BRCA1: variants seen among roughly 807,000 people sequenced by gnomAD.
BRCA1 encodes the protein BRCA1 DNA repair associated.
A neutral mutation model predicts 173.7 loss-of-function variants in BRCA1; 140 were observed. The ratio of observed to expected loss-of-function variants is 0.81; its 90% CI spans 0.70 to 0.93. The LOEUF is 0.93. Ranked by LOEUF, BRCA1 falls within the 40% of genes least tolerant of loss-of-function variation. BRCA1 has a pLI of 0.00. For missense variants in BRCA1, 1,983 were observed against 2,172.5 expected (o/e 0.91, Z 1.73); for synonymous variants, 662 against 756.0 (o/e 0.88, Z 2.04).
chr17:43,059,387 C>T (rs961626427), intron 18 of BRCA1, among the ~76,000 whole-genome samples: 11 of 151,966 alleles, frequency 7.2e-5, no homozygotes, highest in African/African-American at 2.2e-4. Flanking sequence ...TCACTTGAAC[C>T]GGGAGGCGGA....
At chr17:43,051,850 T>C (rs548650583) in intron 19 of BRCA1, among the ~76,000 whole-genome samples, 3 of 152,282 alleles carry the variant, frequency 2.0e-5, no homozygotes, top group Admixed American at 6.5e-5. Context: ...TTGGTCAGGC[T>C]GGTCTCGAAC....
intron 1 of BRCA1, chr17:43,132,743 T>G (rs1220114006): frequency 6.6e-6 from 1 of 151,556 alleles, no homozygotes; most frequent in East Asian, 1.9e-4. Context: ...CATGCCCAGC[T>G]AATTCTTTTT....
At chr17:43,144,152 G>T in intron 1 of BRCA1, 1 of 193,374 alleles carries the variant, frequency 5.2e-6, no homozygotes, top group South Asian at 6.5e-5. Flanking sequence ...GAACCTGGGA[G>T]GCGGAGGTTG....
At chr17:43,057,432 A>C (rs375679298) in intron 18 of BRCA1, among the ~76,000 whole-genome samples, 33 of 151,938 alleles carry the variant, frequency 2.2e-4, no homozygotes, top group African/African-American at 6.3e-4. Context: ...AATCTTTTGA[A>C]TGCAGGAGGT....
chr17:43,062,639 C>T (rs1377027922), intron 18 of BRCA1, among the ~76,000 whole-genome samples: 1 of 151,980 alleles, frequency 6.6e-6, no homozygotes, highest in Non-Finnish European at 1.5e-5. Context: ...CGCTCTGTTG[C>T]CAGGTTGGAG....
chr17:43,138,520 C>T, intron 1 of BRCA1: 2 of 658,704 alleles, frequency 3.0e-6, no homozygotes, highest in Middle Eastern at 4.1e-4. Context: ...GCCTCGGACA[C>T]CCAAACACCT....
chr17:43,104,347 TA>T, intron 5 of BRCA1, 86 bp from the exon 6 acceptor site: 1 of 1,406,958 alleles, frequency 7.1e-7, no homozygotes, highest in Non-Finnish European at 9.9e-7. Flanking sequence ...AAACCCTATG[TA>T]TGCTCTTTGT....
chr17:43,163,589 GTCTT>G (rs978876585), intron 1 of BRCA1: 1 of 152,174 alleles, frequency 6.6e-6, no homozygotes, highest in African/African-American at 2.4e-5. Flanking sequence ...GCTTTACAAT[GTCTT>G]TCTTTTTTTC....
At chr17:43,120,306 C>T (rs540488323) in intron 2 of BRCA1, among the ~76,000 whole-genome samples, 1 of 152,350 alleles carries the variant, frequency 6.6e-6, no homozygotes, top group East Asian at 1.9e-4. Context: ...GAAAACCTTA[C>T]CTACCCTATA....
upstream of BRCA1, among the ~76,000 whole-genome samples, chr17:43,127,619 A>T (rs2055922482): frequency 6.6e-6 from 1 of 152,208 alleles, no homozygotes; most frequent in South Asian, 2.1e-4. Flanking sequence ...GTGTATATCT[A>T]GCTCAGGGAT....
chr17:43,118,553 C>T (rs1015213411), intron 2 of BRCA1, among the ~76,000 whole-genome samples: 6 of 151,948 alleles, frequency 3.9e-5, no homozygotes, highest in Admixed American at 1.3e-4. Flanking sequence ...TCCCAAAGTA[C>T]TGGGATTACA....
chr17:43,151,863 C>G (rs1357495868), intron 1 of BRCA1, among the ~76,000 whole-genome samples: 2 of 152,164 alleles, frequency 1.3e-5, no homozygotes, highest in African/African-American at 2.4e-5. Flanking sequence ...ACCACTGTAC[C>G]TCAGCCTGGG....
intron 6 of BRCA1, among the ~76,000 whole-genome samples, chr17:43,101,200 T>A (rs1205571970): frequency 6.6e-6 from 1 of 151,934 alleles, no homozygotes; most frequent in Non-Finnish European, 1.5e-5. Flanking sequence ...TACTTTTATT[T>A]TATTTGTATT....
intron 1 of BRCA1, among the ~76,000 whole-genome samples, chr17:43,154,950 G>A (rs1372672753): frequency 2.0e-5 from 3 of 152,088 alleles, no homozygotes; most frequent in Non-Finnish European, 2.9e-5. Context: ...AAAGAAACAC[G>A]CTATGCAACA....
In BRCA1 at chr17:43,086,587, C is replaced by T. The variant is rs946370078; in HGVS notation, c.4186-4012G>A. On this transcript the variant is annotated intron_variant, in intron 11 of 22. Transcript: ENST00000357654. ...GTAAAAACACGTTGCAAAATGAATCCTGAACAAATAGACACATCTCTGGGA... is the reference window on the plus strand; with the variant it reads ...GTAAAAACACGTTGCAAAATGAATCTTGAACAAATAGACACATCTCTGGGA... Among the ~76,000 whole-genome samples the T allele has an allele frequency of 5.3e-5, 8 of 152,180 alleles. No homozygotes were observed. In the East Asian group the frequency reaches 1.3e-3, roughly 26 times the overall value.
At position 43,106,382 on chromosome 17, in the gene BRCA1, CTA is replaced by C. The variant is rs1312796367; in HGVS notation, c.212+72_212+73del. ...TCTGATGAATGGTTTTATAGGAACG[CTA>C]TGTTATTAAATAATTTCTACTTTTT... On this transcript the variant is annotated intron_variant, in intron 4 of 22. Transcript: ENST00000357654. 6.3e-6 allele frequency: 6 copies of C among 957,202 alleles called. No homozygotes were observed. In the African/African-American group the frequency reaches 6.6e-5, roughly 11 times the overall value. 59.3% of individuals were successfully genotyped at this position (957,202 alleles called of 1,614,324 possible). A position where few individuals can be genotyped will look rare whatever the true frequency, so the allele number is the denominator to read the frequency against.
chr17:43,118,018 A>G (rs1273927774), intron 2 of BRCA1, among the ~76,000 whole-genome samples: 1 of 152,200 alleles, frequency 6.6e-6, no homozygotes, highest in Non-Finnish European at 1.5e-5. Flanking sequence ...TAAGTGCATT[A>G]AAGAGAAAAA....
intron 1 of BRCA1, chr17:43,144,813 G>C (rs578152691): frequency 2.4e-6 from 1 of 415,296 alleles, no homozygotes; most frequent in Non-Finnish European, 4.6e-6. Flanking sequence ...CTAAGGTCTG[G>C]AGTTCGAGAC....
chr17:43,095,038 C>T lies in BRCA1; in HGVS notation c.671-178G>A, dbSNP rs8176151. Reference sequence around the variant, plus strand: ...TACTCTTTCATTTAATTCCTATTTACCTAGATTATTTCCACTTAGGATCCA... The same window carrying T: ...TACTCTTTCATTTAATTCCTATTTATCTAGATTATTTCCACTTAGGATCCA... On this transcript the variant is annotated intron_variant, in intron 9 of 22. Coordinates refer to ENST00000357654, the MANE Select transcript of BRCA1 (RefSeq NM_007294.4). Among the ~76,000 whole-genome samples, 2,064 of 152,190 alleles carry T rather than the reference C, an allele frequency of 0.014. 18 individuals carry two copies. The highest frequency in any genetic ancestry group is 0.022 in the Non-Finnish European group (1,503 of 68,006).
Sources: gnomAD v4.1 joint callset for allele counts (sites outside exome capture counted in the v4.1 genomes callset) on GRCh38, gnomAD v4.1.1 for gene constraint, MANE v1.5 for transcripts, NCBI Gene and HGNC (gene_info 2026-07-23, HGNC 2026-07-21) for gene names.